The following SMIM9 variants were observed in gnomAD, a reference collection of about 807,000 sequenced individuals.
The protein encoded by SMIM9 is small integral membrane protein 9.
In SMIM9, 8 loss-of-function variants were observed where a neutral mutation model predicts 7.2. That is an observed-to-expected ratio of 1.10 (90% confidence interval 0.65 to 1.99). The LOEUF is 1.99. Ranked by LOEUF, SMIM9 falls within the 30% of genes most tolerant of loss-of-function variation. SMIM9 has a pLI of 0.00. For synonymous variants in SMIM9, 19 were observed against 26.4 expected, an observed-to-expected ratio of 0.72 and a Z score of 0.86; for missense variants, 76 against 69.3, an observed-to-expected ratio of 1.10 and a Z score of -0.34.
At chrX:154,826,149 C>T (rs1388753321) in intron 4 of SMIM9, among the ~76,000 whole-genome samples, 2 of 111,538 alleles carry the variant, frequency 1.8e-5, no homozygotes, top group African/African-American at 3.3e-5. Flanking sequence ...TTCTCTTCAT[C>T]GAAGAAATCA....
chrX:154,833,376 G>A (rs917300781), intron 1 of SMIM9, among the ~76,000 whole-genome samples: 2 of 112,613 alleles, frequency 1.8e-5, no homozygotes, highest in African/African-American at 6.5e-5. Flanking sequence ...TGTCATCCCA[G>A]CACTTTGGGA....
At position 154,825,586 on chromosome X, in the gene SMIM9, T is replaced by G. The variant is rs111382768; in HGVS notation, c.273-1804A>C. Among the ~76,000 whole-genome samples, 56 of 110,308 alleles carry G rather than the reference T, an allele frequency of 5.1e-4. No individual in the cohort carries two copies. In the East Asian group the frequency reaches 7.7e-3, roughly 15 times the overall value. ...CATTACTGGGTATATACCCAAATGATTATAAATCATGCTGCTATAAAGACA... is the reference window on the plus strand; with the variant it reads ...CATTACTGGGTATATACCCAAATGAGTATAAATCATGCTGCTATAAAGACA... On this transcript the variant is annotated intron_variant, in intron 4 of 4. Coordinates refer to ENST00000369529, the MANE Select transcript of SMIM9 (RefSeq NM_001162936.4).
At chrX:154,831,771 G>C (rs1557270601) in intron 2 of SMIM9, among the ~76,000 whole-genome samples, 1 of 109,995 alleles carries the variant, frequency 9.1e-6, no homozygotes, top group Non-Finnish European at 1.9e-5. Flanking sequence ...TTTTTAACTT[G>C]CTTTTCCCTT....
chrX:154,823,936 G>C (rs1447786883), intron 4 of SMIM9, among the ~76,000 whole-genome samples, 154 bp from the exon 5 acceptor site: 2 of 112,568 alleles, frequency 1.8e-5, no homozygotes, highest in African/African-American at 6.5e-5. Flanking sequence ...AGCAGAATAA[G>C]AATGTGTTTC....
At position 154,823,615 on chromosome X, in the gene SMIM9, A is replaced by G. The variant is rs1232105076; in HGVS notation, c.*140T>C. ...TTGCAACTTTTGAAGGAGAAAATGA[A>G]GGCAAAGGATGATTCAAGTTGGAAG... On this transcript the variant is annotated 3_prime_UTR_variant, in exon 5 of 5. Transcript: ENST00000369529. 10 of 511,145 alleles carry G rather than the reference A, an allele frequency of 2.0e-5. No homozygotes were observed. Among genetic ancestry groups the G allele is most frequent in the African/African-American group, 2.4e-5 (1 of 41,295 alleles). The allele number at this position is 511,145 out of a possible 1,213,427, so 42.1% of individuals were successfully genotyped here. A position where few individuals can be genotyped will look rare whatever the true frequency, so the allele number is the denominator to read the frequency against.
At position 154,823,713 on chromosome X, in the gene SMIM9, A is replaced by C; in HGVS notation, c.*42T>G. On this transcript the variant is annotated 3_prime_UTR_variant, in exon 5 of 5. Coordinates refer to ENST00000369529, the MANE Select transcript of SMIM9 (RefSeq NM_001162936.4). The stretch of plus-strand genomic sequence containing the variant: ...CAAATGCCCCACTCTTTTGGAGTCC[A>C]ACTGGAGAGACCACACTTGCCCTGT... The C allele has an allele frequency of 8.8e-7, 1 of 1,132,085 alleles. No homozygotes were observed. Among genetic ancestry groups the C allele is most frequent in the Non-Finnish European group, 1.2e-6 (1 of 852,087 alleles). 93.3% of individuals were successfully genotyped at this position (1,132,085 alleles called of 1,213,427 possible). A position where few individuals can be genotyped will look rare whatever the true frequency, so the allele number is the denominator to read the frequency against.
At chrX:154,824,915 G>A (rs782179515) in intron 4 of SMIM9, among the ~76,000 whole-genome samples, 1 of 111,811 alleles carries the variant, frequency 8.9e-6, no homozygotes, top group African/African-American at 3.3e-5. Context: ...GTATAGAGGA[G>A]GAAGAATGAG....
At chrX:154,826,080 AAAAAAAG>A (rs1433954998) in intron 4 of SMIM9, among the ~76,000 whole-genome samples, 2 of 111,680 alleles carry the variant, frequency 1.8e-5, no homozygotes, top group East Asian at 5.5e-4. Context: ...TAACAATAAA[AAAAAAAG>A]AAAAAAGAAA....
intron 4 of SMIM9, among the ~76,000 whole-genome samples, chrX:154,824,944 C>A (rs1257435579): frequency 8.9e-6 from 1 of 111,948 alleles, no homozygotes; most frequent in Non-Finnish European, 1.9e-5. Flanking sequence ...AGGCTGTGTG[C>A]AATCCTCACT....
intron 4 of SMIM9, chrX:154,827,462 T>C (rs1467061): frequency 0.24 from 26,991 of 111,634 alleles, 3,533 homozygotes; most frequent in African/African-American, 0.51. Flanking sequence ...CATCATGTGG[T>C]TTCACCATCT....
At chrX:154,831,681 CTA>C (rs2072446515) in intron 2 of SMIM9, among the ~76,000 whole-genome samples, 1 of 111,617 alleles carries the variant, frequency 9.0e-6, no homozygotes, top group Admixed American at 9.5e-5. Context: ...ACCACATATC[CTA>C]TGAGTCTCCT....
In SMIM9 at chrX:154,830,742, T is replaced by G. The variant is rs1405292117; in HGVS notation, c.115A>C (p.Lys39Gln). 8.6e-7 allele frequency: 1 copy of G among 1,165,899 alleles called. No homozygotes were observed. The highest frequency in any genetic ancestry group is 1.1e-6 in the Non-Finnish European group (1 of 872,625). ...CCTGAGCGTGGTTTCGATCCTGTTT[T>G]TTCTTGTATTCCCAAGGCAGACAAA... ...LPLSALGIQE[K>Q]TGSKPRSGGN... The change falls in exon 3 of 5, where the codon AAA (lysine) becomes CAA (glutamine). Residue 39 changes from lysine to glutamine, a missense_variant. Coordinates refer to ENST00000369529, the MANE Select transcript of SMIM9 (RefSeq NM_001162936.4).
intron 1 of SMIM9, among the ~76,000 whole-genome samples, chrX:154,833,745 C>T (rs782523233): frequency 1.6e-4 from 17 of 109,656 alleles, no homozygotes; most frequent in African/African-American, 5.0e-4. Context: ...CAAATCAAGT[C>T]GAGGCAACAT....
chrX:154,824,334 C>T (rs1160887911), intron 4 of SMIM9, among the ~76,000 whole-genome samples: 5 of 78,117 alleles, frequency 6.4e-5, no homozygotes, highest in Admixed American at 4.2e-4. Context: ...CCAGCCTGGG[C>T]GACAGAGCGA....
chrX:154,832,115 A>T (rs2072448229), intron 2 of SMIM9, among the ~76,000 whole-genome samples: 1 of 111,417 alleles, frequency 9.0e-6, no homozygotes, highest in Admixed American at 9.6e-5. Flanking sequence ...TTTTTGAATG[A>T]ATGGCGACTT....
chrX:154,832,077 A>G (rs1557270627), intron 2 of SMIM9, among the ~76,000 whole-genome samples: 1 of 111,568 alleles, frequency 9.0e-6, no homozygotes, highest in Non-Finnish European at 1.9e-5. Context: ...TACCTAGCAC[A>G]TAGGGTATCC....
At chrX:154,830,125 TA>T (rs782343150) in intron 3 of SMIM9, among the ~76,000 whole-genome samples, 1 of 111,387 alleles carries the variant, frequency 9.0e-6, no homozygotes, top group South Asian at 3.8e-4. Context: ...GAAGGACCTC[TA>T]GGGGGAGTTT....
At chrX:154,829,738 G>A (rs1489811816) in intron 3 of SMIM9, 74 bp from the exon 4 acceptor site, 4 of 1,043,347 alleles carry the variant, frequency 3.8e-6, no homozygotes, top group African/African-American at 3.7e-5. Flanking sequence ...ATCCAAATTC[G>A]AGTTCAAATA....
chrX:154,824,355 C>CAAAA (rs375492512), intron 4 of SMIM9, among the ~76,000 whole-genome samples: 20 of 42,301 alleles, frequency 4.7e-4, no homozygotes, highest in East Asian at 8.2e-4. Flanking sequence ...GACTCCGTCT[C>CAAAA]AAAAAAAAAA....
Sources: gnomAD v4.1 joint callset for allele counts (sites outside exome capture counted in the v4.1 genomes callset) on GRCh38, gnomAD v4.1.1 for gene constraint, MANE v1.5 for transcripts, NCBI Gene and HGNC (gene_info 2026-07-23, HGNC 2026-07-21) for gene names.